The following PLA2R1 variants were observed in gnomAD, a reference collection of about 807,000 sequenced individuals.
PLA2R1 encodes secretory phospholipase A2 receptor.
In PLA2R1, 158 loss-of-function variants were observed where a neutral mutation model predicts 195.9. The observed-to-expected ratio is 0.81, with a 90% CI of 0.71 to 0.92. The LOEUF (loss-of-function observed/expected upper bound fraction) is 0.92, where lower values mean the gene tolerates loss of function less well. Among genes scored for constraint, PLA2R1 ranks in the 40% least tolerant of loss-of-function variants. PLA2R1 has a pLI of 0.00. For synonymous variants in PLA2R1, 586 were observed against 598.2 expected, an observed-to-expected ratio of 0.98 and a Z score of 0.30; for missense variants, 1,626 against 1,764.6, an observed-to-expected ratio of 0.92 and a Z score of 1.41.
At chr2:160,006,749 A>G (rs539793276) in intron 10 of PLA2R1, among the ~76,000 whole-genome samples, 1 of 152,352 alleles carries the variant, frequency 6.6e-6, no homozygotes, top group African/African-American at 2.4e-5. Flanking sequence ...ATGGAAAAGG[A>G]AAGGCTGAAG....
In PLA2R1 at chr2:160,016,672, A is replaced by C; in HGVS notation, c.1493T>G (p.Phe498Cys). Residue 498 changes from phenylalanine (F) to cysteine (C), a missense_variant, in exon 9 of 30, where the codon TTT becomes TGT. Phe to Cys is a radical substitution (Grantham distance 205). Transcript: ENST00000283243. ...ATGGCCTGCTTTTTTACAAATGTAA[A>C]AAAGTCTTTCTTCACAATTTTTGAC... ...WKVKNCEERL[F>C]YICKKAGHVL... The C allele has an allele frequency of 6.2e-7, 1 of 1,609,552 alleles. No individual in the cohort carries two copies. The highest frequency in any genetic ancestry group is 8.5e-7 in the Non-Finnish European group (1 of 1,175,806).
chr2:160,033,403 T>C (rs1693978870), intron 3 of PLA2R1, among the ~76,000 whole-genome samples: 1 of 152,180 alleles, frequency 6.6e-6, no homozygotes, highest in South Asian at 2.1e-4. Context: ...GGAACCAGTT[T>C]TAAGAGAAGG....
Position 160,044,978 on chromosome 2 carries a change from G to T in PLA2R1, c.289C>A (p.Pro97Thr). 6.2e-7 allele frequency: 1 copy of T among 1,614,030 alleles called. No individual in the cohort carries two copies. Among genetic ancestry groups the T allele is most frequent in the South Asian group, 1.1e-5 (1 of 91,072 alleles). ...SGCLGLNFSAPEQPLSLYECD... is the reference protein window; with the variant it reads ...SGCLGLNFSATEQPLSLYECD... ...TCATATAAGCTTAATGGCTGCTCTG[G>T]GGCGGAGAAATTCAGGCCCAGGCAA... is the stretch of plus-strand genomic sequence containing the variant. The change falls in exon 2 of 30, where the codon CCA becomes ACA. Residue 97 changes from proline (P) to threonine (T), a missense_variant. Transcript: ENST00000283243.
In PLA2R1 at chr2:159,942,148, C is replaced by T; in HGVS notation, c.4156G>A (p.Ala1386Thr). 1 of 1,609,338 alleles carries T rather than the reference C, an allele frequency of 6.2e-7. No individual in the cohort carries two copies. ...ICKMEADIHT[A>T]EALPEKGPSH... ...GTACCTTTTTCTGGCAGCGCCTCTG[C>T]AGTGTGAATATCTAAAATCAAATAC... Residue 1386 changes from alanine (A) to threonine (T), a missense_variant, in exon 29 of 30, where the codon GCA (alanine) becomes ACA (threonine). By Grantham distance (58) the Ala-to-Thr change is moderately conservative. Coordinates refer to ENST00000283243, the MANE Select transcript of PLA2R1 (RefSeq NM_007366.5).
At chr2:159,982,279 G>T (rs1193179387) in intron 13 of PLA2R1, among the ~76,000 whole-genome samples, 1 of 152,196 alleles carries the variant, frequency 6.6e-6, no homozygotes, top group Non-Finnish European at 1.5e-5. Context: ...CAATTAGCCA[G>T]AAAGCTTCTT....
At chr2:160,003,570 G>A (rs1691754121) in intron 11 of PLA2R1, among the ~76,000 whole-genome samples, 1 of 152,082 alleles carries the variant, frequency 6.6e-6, no homozygotes, top group Non-Finnish European at 1.5e-5. Context: ...AAATGAAAAG[G>A]TAGACATTAA....
intron 2 of PLA2R1, among the ~76,000 whole-genome samples, chr2:160,044,207 T>C (rs1425720256): frequency 6.6e-6 from 1 of 152,042 alleles, no homozygotes; most frequent in East Asian, 1.9e-4. Context: ...CTCTAAACCA[T>C]GCTTCCCCAC....
chr2:160,012,033 AAG>A (rs919339863), intron 10 of PLA2R1, among the ~76,000 whole-genome samples: 2 of 152,028 alleles, frequency 1.3e-5, no homozygotes, highest in African/African-American at 4.8e-5. Context: ...GAAGGCAAGA[AAG>A]AGGGTAAGAG....
Position 160,062,536 on chromosome 2 carries a change from C to T in PLA2R1, c.-133G>A. 1.4e-6 allele frequency: 2 copies of T among 1,383,450 alleles called. No homozygotes were observed. The highest frequency in any genetic ancestry group is 3.0e-5 in the East Asian group (1 of 32,888). 85.7% of individuals were successfully genotyped at this position (1,383,450 alleles called of 1,614,324 possible). On this transcript the variant is annotated 5_prime_UTR_variant, in exon 1 of 30. Coordinates refer to ENST00000283243, the MANE Select transcript of PLA2R1 (RefSeq NM_007366.5). ...TAGCCTCCTCCGCGCCCCACCCCCT[C>T]CGGGGGCCTTGCCAGCCCAGAGCCC...
Position 159,951,359 on chromosome 2 carries a change from A to G in PLA2R1, c.3521T>C (p.Ile1174Thr), listed in dbSNP as rs773311759. The G allele has an allele frequency of 5.0e-6, 8 of 1,606,190 alleles. No individual in the cohort carries two copies. The highest frequency in any genetic ancestry group is 1.7e-5 in the Admixed American group (1 of 60,008). ...VLNRLGYAHW[I>T]GLFTTDNGLN... ...ACCTACATCTGTGGTGAACAGTCCA[A>G]TCCAGTGGGCATATCCTAGCCGGTT... The change falls in exon 24 of 30, where the codon ATT (isoleucine) becomes ACT (threonine). Residue 1174 changes from isoleucine (I) to threonine (T), a missense_variant. Transcript: ENST00000283243.
chr2:160,033,195 A>G, intron 3 of PLA2R1, 63 bp from the exon 4 acceptor site: 1 of 1,274,694 alleles, frequency 7.8e-7, no homozygotes, highest in Non-Finnish European at 1.1e-6. Flanking sequence ...ACATATTTCT[A>G]AGGTAAGTCT....
In PLA2R1 at chr2:160,062,417, G is replaced by A. The variant is rs1474232602; in HGVS notation, c.-14C>T. 5 of 1,533,920 alleles carry A rather than the reference G, an allele frequency of 3.3e-6. No individual in the cohort carries two copies. Among genetic ancestry groups the A allele is most frequent in the Middle Eastern group, 2.0e-4 (1 of 5,016 alleles). On this transcript the variant is annotated 5_prime_UTR_variant, in exon 1 of 30. Transcript: ENST00000283243. ...CGACAGCAGCATCGCTAACCACTGG[G>A]CTCTCCGGGAGCCCCTTGTCCCGGG...
intron 1 of PLA2R1, among the ~76,000 whole-genome samples, chr2:160,050,914 C>T (rs1354167260): frequency 3.3e-5 from 5 of 152,190 alleles, no homozygotes; most frequent in African/African-American, 1.2e-4. Context: ...TGACCATCTG[C>T]ACCCCTTCTG....
Position 159,971,620 on chromosome 2 carries a change from G to GGT in PLA2R1, c.2596-1410_2596-1409dup, listed in dbSNP as rs144700244. On this transcript the variant is annotated intron_variant, in intron 17 of 29. Coordinates refer to ENST00000283243, the MANE Select transcript of PLA2R1 (RefSeq NM_007366.5). ...CCTGTAAATCAGTATACTTAATGGG[G>GGT]GTGTGTGTGTGTGTGTTGTGTGCTG... Among the ~76,000 whole-genome samples, 665 of 150,828 alleles carry GGT rather than the reference G, an allele frequency of 4.4e-3. 6 individuals are homozygous for GGT. The highest frequency in any genetic ancestry group is 0.015 in the African/African-American group (607 of 41,260).
chr2:160,029,897 A>G (rs1693756485), intron 4 of PLA2R1, among the ~76,000 whole-genome samples: 1 of 152,234 alleles, frequency 6.6e-6, no homozygotes, highest in African/African-American at 2.4e-5. Flanking sequence ...CACCTGATTC[A>G]GAGCCCAATT....
chr2:159,929,822 T>C (rs897539182), downstream of PLA2R1, among the ~76,000 whole-genome samples: 35 of 151,466 alleles, frequency 2.3e-4, no homozygotes, highest in African/African-American at 8.2e-4. Flanking sequence ...TGTATATGTA[T>C]ATATATGTGC....
intron 8 of PLA2R1, among the ~76,000 whole-genome samples, chr2:160,018,035 G>C (rs1228100256): frequency 6.6e-6 from 1 of 152,068 alleles, no homozygotes; most frequent in Non-Finnish European, 1.5e-5. Context: ...TGGGGAACTT[G>C]TTAATTATAA....
chr2:159,927,099 G>A (rs1686514493), downstream of PLA2R1, among the ~76,000 whole-genome samples: 1 of 152,216 alleles, frequency 6.6e-6, no homozygotes, highest in Non-Finnish European at 1.5e-5. Flanking sequence ...GAAGGGTGGA[G>A]TGTGACTTTG....
intron 20 of PLA2R1, among the ~76,000 whole-genome samples, chr2:159,965,649 G>T (rs562626142): frequency 1.3e-5 from 2 of 152,248 alleles, no homozygotes; most frequent in South Asian, 4.1e-4. Context: ...ACTCCTTTGG[G>T]TAAATACCAA....
Sources: allele counts gnomAD v4.1 joint callset (sites outside exome capture counted in the v4.1 genomes callset), GRCh38; gene constraint gnomAD v4.1.1; transcripts MANE v1.5; gene names NCBI Gene and HGNC (gene_info 2026-07-23, HGNC 2026-07-21).